The following DOCK4 variants were observed in gnomAD, a reference collection of about 807,000 sequenced individuals.
The protein encoded by DOCK4 is dedicator of cytokinesis 4.
A neutral mutation model predicts 268.1 loss-of-function variants in DOCK4; 97 were observed. The ratio of observed to expected loss-of-function variants is 0.36; its 90% CI spans 0.31 to 0.43. The LOEUF (loss-of-function observed/expected upper bound fraction) is 0.43. DOCK4 is among the 20% of genes least tolerant of loss of function. DOCK4 has a pLI of 1.00. For synonymous variants in DOCK4, 954 were observed against 887.2 expected (o/e 1.08, Z -1.34); for missense variants, 2,145 against 2,455.7 (o/e 0.87, Z 2.67).
chr7:111,763,947 T>C (rs138412295), intron 39 of DOCK4, among the ~76,000 whole-genome samples: 397 of 152,346 alleles, frequency 2.6e-3, no homozygotes, highest in Admixed American at 7.4e-3. Flanking sequence ...TATCTCAGCC[T>C]CCCAAGTTTT....
intron 25 of DOCK4, among the ~76,000 whole-genome samples, chr7:111,839,421 C>T (rs1039044232): frequency 1.3e-5 from 2 of 152,010 alleles, no homozygotes; most frequent in African/African-American, 4.8e-5. Flanking sequence ...ACACACAATC[C>T]TGTGAATAGT....
chr7:111,977,462 A>T (rs1463793506), intron 7 of DOCK4, among the ~76,000 whole-genome samples, 179 bp from the exon 8 acceptor site: 1 of 152,214 alleles, frequency 6.6e-6, no homozygotes, highest in East Asian at 1.9e-4. Context: ...CAGACTGTGG[A>T]CATAGAAATA....
intron 36 of DOCK4, among the ~76,000 whole-genome samples, chr7:111,773,633 A>G (rs1798262064): frequency 6.6e-6 from 1 of 152,208 alleles, no homozygotes; most frequent in African/African-American, 2.4e-5. Context: ...TTAATGTTTA[A>G]TTAAAGGGTA....
chr7:111,897,004 T>G (rs2134390755), intron 15 of DOCK4, among the ~76,000 whole-genome samples: 1 of 152,286 alleles, frequency 6.6e-6, no homozygotes, highest in African/African-American at 2.4e-5. Context: ...ATACAGGAAC[T>G]TGAATCTACA....
chr7:111,933,225 T>C (rs1794380896), intron 12 of DOCK4, among the ~76,000 whole-genome samples: 1 of 146,074 alleles, frequency 6.8e-6, no homozygotes, highest in Admixed American at 6.9e-5. Context: ...TATATACGTA[T>C]ATACACATAT....
chr7:111,890,965 T>C (rs940486820), intron 16 of DOCK4, among the ~76,000 whole-genome samples: 1 of 152,162 alleles, frequency 6.6e-6, no homozygotes, highest in African/African-American at 2.4e-5. Context: ...TCATCTCTCA[T>C]CAACCTTTGA....
intron 12 of DOCK4, among the ~76,000 whole-genome samples, chr7:111,934,525 T>TTTTGTTTTTG (rs1271127771): frequency 8.8e-6 from 1 of 114,152 alleles, no homozygotes; most frequent in African/African-American, 5.0e-5. Context: ...TTGTTTTTGT[T>TTTTGTTTTTG]TTTTTTTTTT....
At chr7:111,977,413 G>A in intron 7 of DOCK4, 130 bp from the exon 8 acceptor site, 2 of 1,008,388 alleles carry the variant, frequency 2.0e-6, no homozygotes, top group South Asian at 2.4e-5. Flanking sequence ...TGTGGATTTG[G>A]TATCTAAATC....
At chr7:112,013,306 C>T (rs866246593) in intron 1 of DOCK4, among the ~76,000 whole-genome samples, 1 of 152,200 alleles carries the variant, frequency 6.6e-6, no homozygotes, top group Non-Finnish European at 1.5e-5. Flanking sequence ...AGTCTAAATT[C>T]TTACAATTAC....
intron 27 of DOCK4, chr7:111,820,488 T>C (rs1341520285): frequency 6.6e-6 from 1 of 152,190 alleles, no homozygotes; most frequent in Admixed American, 6.5e-5. Flanking sequence ...ATCTTCCTAT[T>C]TGGTTAACAC....
intron 16 of DOCK4, 119 bp from the exon 17 acceptor site, chr7:111,877,305 T>A: frequency 1.1e-6 from 1 of 929,838 alleles, no homozygotes; most frequent in Non-Finnish European, 1.4e-6. Flanking sequence ...GTATTACAAG[T>A]AGAATTTGGT....
At chr7:112,159,175 C>A (rs1249123333) in intron 1 of DOCK4, among the ~76,000 whole-genome samples, 2 of 152,182 alleles carry the variant, frequency 1.3e-5, no homozygotes, top group African/African-American at 4.8e-5. Flanking sequence ...GTTCTAGCAT[C>A]TTTTCAAGTC....
chr7:111,737,877 C>T (rs988942459), intron 49 of DOCK4, among the ~76,000 whole-genome samples: 4 of 152,146 alleles, frequency 2.6e-5, no homozygotes, highest in Non-Finnish European at 5.9e-5. Flanking sequence ...GCTAGTCCAG[C>T]CAAATGCACT....
chr7:111,991,287 C>T (rs1799504544), intron 5 of DOCK4, among the ~76,000 whole-genome samples: 1 of 152,190 alleles, frequency 6.6e-6, no homozygotes, highest in South Asian at 2.1e-4. Context: ...TGACATACTG[C>T]AGGCCTGGCC....
intron 34 of DOCK4, among the ~76,000 whole-genome samples, chr7:111,783,568 AT>A (rs538422573): frequency 0.06 from 8,681 of 145,086 alleles, 741 homozygotes; most frequent in African/African-American, 0.2. Context: ...CAAAATAAAG[AT>A]TTTTTTTTTT....
Position 111,915,821 on chromosome 7 carries a change from A to G in DOCK4, c.1150T>C (p.Ser384Pro). 1 of 1,613,042 alleles carries G rather than the reference A, an allele frequency of 6.2e-7. No homozygotes were observed. Among genetic ancestry groups the G allele is most frequent in the Non-Finnish European group, 8.5e-7 (1 of 1,179,520 alleles). Reference sequence around the variant, plus strand: ...GAAAATCCCAGCTTCCTTGTTATGGATACTCCATGAGAAAATACTGATGAA... The same window carrying G: ...GAAAATCCCAGCTTCCTTGTTATGGGTACTCCATGAGAAAATACTGATGAA... ...EYSSVFSHGV[S>P]ITRKLGFSNI... Residue 384 changes from serine to proline, a missense_variant, in exon 13 of 53, where the codon TCC (serine) becomes CCC (proline). Coordinates refer to ENST00000428084, the MANE Select transcript of DOCK4 (RefSeq NM_001363540.2).
intron 36 of DOCK4, among the ~76,000 whole-genome samples, chr7:111,776,150 A>C (rs563878672): frequency 6.6e-6 from 1 of 152,342 alleles, no homozygotes; most frequent in Admixed American, 6.5e-5. Flanking sequence ...TATAATCCAA[A>C]ATTATCTGAC....
Position 111,920,194 on chromosome 7 carries a change from C to T in DOCK4, c.1067-4290G>A, listed in dbSNP as rs1207748167. On this transcript the variant is annotated intron_variant, in intron 12 of 52. Transcript: ENST00000428084. ...CACAGGAGACGAAGTTTCAGTTGGA[C>T]AAGATGAAGACGTTCTAGAGAGCTA... 2.0e-5 allele frequency among the ~76,000 whole-genome samples: 3 copies of T among 151,980 alleles called. No individual in the cohort carries two copies. In the East Asian group the frequency reaches 5.8e-4, roughly 29 times the overall value.
chr7:112,184,989 C>G (rs1422205130), intron 1 of DOCK4, among the ~76,000 whole-genome samples: 1 of 152,140 alleles, frequency 6.6e-6, no homozygotes, highest in Non-Finnish European at 1.5e-5. Flanking sequence ...GGTAGATAAA[C>G]AAGGCAAAGA....
Sources: gnomAD v4.1 joint callset for allele counts (sites outside exome capture counted in the v4.1 genomes callset) on GRCh38, gnomAD v4.1.1 for gene constraint, MANE v1.5 for transcripts, NCBI Gene and HGNC (gene_info 2026-07-23, HGNC 2026-07-21) for gene names.